Variants in SH3PXD2B observed in about 807,000 individuals in gnomAD.
SH3PXD2B encodes the protein SH3 and PX domains 2B, also known as SH3 and PX domain-containing protein 2B.
SH3PXD2B carries 37 observed loss-of-function variants against 73.1 expected under a neutral mutation model. That is an observed-to-expected ratio of 0.51 (90% CI 0.39 to 0.67). The LOEUF is 0.67. SH3PXD2B is among the 30% of genes least tolerant of loss of function. The pLI is 0.00. For missense variants in SH3PXD2B, 1,053 were observed against 1,197.8 expected (o/e 0.88, Z 1.78); for synonymous variants, 457 against 480.5 (o/e 0.95, Z 0.64).
At chr5:172,437,200 C>T (rs559873978) in intron 1 of SH3PXD2B, among the ~76,000 whole-genome samples, 3 of 152,220 alleles carry the variant, frequency 2.0e-5, no homozygotes, top group East Asian at 1.9e-4. Context: ...GCAGGGCGGT[C>T]GGATGGAGCT....
intron 4 of SH3PXD2B, among the ~76,000 whole-genome samples, chr5:172,383,906 G>A (rs893581861): frequency 1.7e-4 from 25 of 150,814 alleles, no homozygotes; most frequent in Admixed American, 4.0e-4. Flanking sequence ...GAGTGCTGTG[G>A]TGCTATCTTA....
chr5:172,350,106 C>T (rs936996579), intron 10 of SH3PXD2B, among the ~76,000 whole-genome samples: 7 of 152,136 alleles, frequency 4.6e-5, no homozygotes, highest in East Asian at 1.9e-4. Context: ...CGGCCTGCCT[C>T]GGCCTCCCAA....
intron 7 of SH3PXD2B, 140 bp from the exon 8 acceptor site, chr5:172,359,017 C>T (rs1757342864): frequency 2.4e-6 from 2 of 818,256 alleles, no homozygotes; most frequent in Admixed American, 2.0e-5. Flanking sequence ...TAGAACACAA[C>T]TACCAATGTT....
At chr5:172,366,528 CCTCT>C (rs1426176386) in intron 6 of SH3PXD2B, among the ~76,000 whole-genome samples, 1 of 152,232 alleles carries the variant, frequency 6.6e-6, no homozygotes, top group African/African-American at 2.4e-5. Context: ...GATGTCTCAA[CCTCT>C]CCTTCTTATT....
chr5:172,332,771 G>T (rs1479223643), downstream of SH3PXD2B, among the ~76,000 whole-genome samples: 2 of 151,900 alleles, frequency 1.3e-5, no homozygotes, highest in African/African-American at 4.8e-5. Context: ...TAGTCACCTG[G>T]GAACAAGGAG....
Position 172,333,876 on chromosome 5 carries a change from G to C in SH3PXD2B, c.*4493C>G. On this transcript the variant is annotated 3_prime_UTR_variant, in exon 13 of 13. Transcript: ENST00000311601. ...TTATCATCACCCCTCTAAGTGAAAG[G>C]GGCGCTAACAATAATTACACGGGCA... 1 of 1,275,512 alleles carries C rather than the reference G, an allele frequency of 7.8e-7. No individual in the cohort carries two copies. Among genetic ancestry groups the C allele is most frequent in the South Asian group, 1.3e-5 (1 of 78,242 alleles). 79.0% of individuals were successfully genotyped at this position (1,275,512 alleles called of 1,614,324 possible).
intron 1 of SH3PXD2B, among the ~76,000 whole-genome samples, chr5:172,437,052 C>T (rs751122029): frequency 2.3e-4 from 35 of 152,180 alleles, no homozygotes; most frequent in Non-Finnish European, 4.9e-4. Flanking sequence ...GAGTTAGTGA[C>T]TGGCTGGGTT....
Position 172,351,047 on chromosome 5 carries a change from G to A in SH3PXD2B, c.786-458C>T, listed in dbSNP as rs147349991. ...AGTGGCAGCTGGCCATCACTAAACC[G>A]CAGAGTGATCGAGACCCTGACAGAG... On this transcript the variant is annotated intron_variant, in intron 9 of 12. Transcript: ENST00000311601. 1.5e-3 allele frequency among the ~76,000 whole-genome samples: 223 copies of A among 152,356 alleles called. 1 individual carries two copies. Among genetic ancestry groups the A allele is most frequent in the Non-Finnish European group, 2.5e-3 (172 of 68,038 alleles).
intron 1 of SH3PXD2B, among the ~76,000 whole-genome samples, chr5:172,453,944 C>G (rs1488716902): frequency 6.6e-6 from 1 of 152,166 alleles, no homozygotes; most frequent in Non-Finnish European, 1.5e-5. Context: ...AGACCCCTCA[C>G]CGGCTGGAGC....
At chr5:172,329,695 G>C (rs1343199331), downstream of SH3PXD2B, among the ~76,000 whole-genome samples, 1 of 151,810 alleles carries the variant, frequency 6.6e-6, no homozygotes, top group South Asian at 2.1e-4. Flanking sequence ...CCGCCACCAC[G>C]CCCGGCTAAT....
chr5:172,422,771 G>A lies in SH3PXD2B; in HGVS notation c.76-275C>T, dbSNP rs28399353. Among the ~76,000 whole-genome samples the A allele has an allele frequency of 0.34, 50,975 of 152,050 alleles. 9,082 individuals are homozygous for A. Among genetic ancestry groups the A allele is most frequent in the East Asian group, 0.66 (3,418 of 5,176 alleles). On this transcript the variant is annotated intron_variant, in intron 1 of 12. Coordinates refer to ENST00000311601, the MANE Select transcript of SH3PXD2B (RefSeq NM_001017995.3). ...CAGCTCAGGAGAAGCTGCTGTTTTCGGCATTGCCAGGATTCCTCACTACCC... is the reference window on the plus strand; with the variant it reads ...CAGCTCAGGAGAAGCTGCTGTTTTCAGCATTGCCAGGATTCCTCACTACCC...
At position 172,335,092 on chromosome 5, in the gene SH3PXD2B, AG is replaced by A. The variant is rs1756655988; in HGVS notation, c.*3276del. ...CCAATGGCAAAGAAAGATTCCGAGCAGAACATGTGAGCAAAGGCCTCTTTTA... is the reference window on the plus strand; with the variant it reads ...CCAATGGCAAAGAAAGATTCCGAGCAAACATGTGAGCAAAGGCCTCTTTTA... On this transcript the variant is annotated 3_prime_UTR_variant, in exon 13 of 13. Coordinates refer to ENST00000311601, the MANE Select transcript of SH3PXD2B (RefSeq NM_001017995.3). 6 of 985,728 alleles carry A rather than the reference AG, an allele frequency of 6.1e-6. No homozygotes were observed. Among genetic ancestry groups the A allele is most frequent in the Non-Finnish European group, 7.2e-6 (6 of 830,146 alleles). 61.1% of individuals were successfully genotyped at this position (985,728 alleles called of 1,614,324 possible). A position where few individuals can be genotyped will look rare whatever the true frequency, so the allele number is the denominator to read the frequency against.
At chr5:172,403,206 C>A (rs1239872241) in intron 3 of SH3PXD2B, among the ~76,000 whole-genome samples, 1 of 152,232 alleles carries the variant, frequency 6.6e-6, no homozygotes, top group Non-Finnish European at 1.5e-5. Flanking sequence ...TGGAGGAAGG[C>A]CAGACTGTAA....
chr5:172,333,771 T>C lies in SH3PXD2B; in HGVS notation c.*4598A>G, dbSNP rs1361917854. On this transcript the variant is annotated 3_prime_UTR_variant, in exon 13 of 13. Coordinates refer to ENST00000311601, the MANE Select transcript of SH3PXD2B (RefSeq NM_001017995.3). ...GGTGGTGGGCAGTGCCCACTGTTCC[T>C]GGAGGGAGGTAAGAAATGGCCTGTT... 1.6e-6 allele frequency: 2 copies of C among 1,289,152 alleles called. No individual in the cohort carries two copies. Among genetic ancestry groups the C allele is most frequent in the East Asian group, 5.6e-5 (1 of 18,014 alleles). 79.9% of individuals were successfully genotyped at this position (1,289,152 alleles called of 1,614,324 possible).
intron 8 of SH3PXD2B, among the ~76,000 whole-genome samples, chr5:172,356,280 G>A (rs1415220716): frequency 6.6e-6 from 1 of 152,168 alleles, no homozygotes; most frequent in Admixed American, 6.5e-5. Flanking sequence ...CCCAGATCCT[G>A]ATGACAGTTT....
rs1268108716 is a variant in SH3PXD2B at position 172,445,044 on chromosome 5, G to T, written c.75+9234C>A. Among the ~76,000 whole-genome samples, 1 of 152,112 alleles carries T rather than the reference G, an allele frequency of 6.6e-6. No homozygotes were observed. The highest frequency in any genetic ancestry group is 1.5e-5 in the Non-Finnish European group (1 of 68,030). On this transcript the variant is annotated intron_variant, in intron 1 of 12. Transcript: ENST00000311601. This position sits in a 1 kb window ranked among gnomAD's most constrained non-coding sequence, Gnocchi z 5.2. ...AGGGTTTCCATTTCTTTGCCCTCCT[G>T]TTCTCTCTACCTGTAACTCCTTCAC...
rs548188983 is a variant in SH3PXD2B at position 172,445,962 on chromosome 5, G to A, written c.75+8316C>T. 1.3e-5 allele frequency among the ~76,000 whole-genome samples: 2 copies of A among 152,352 alleles called. No homozygotes were observed. The highest frequency in any genetic ancestry group is 1.9e-4 in the East Asian group (1 of 5,178). On this transcript the variant is annotated intron_variant, in intron 1 of 12. Coordinates refer to ENST00000311601, the MANE Select transcript of SH3PXD2B (RefSeq NM_001017995.3). The surrounding 1 kb of genome is among the most constrained non-coding windows in gnomAD (Gnocchi z 5.2). ...GCAGGCTTCTGCAGAGGCAGAGTCC[G>A]GAGGAGGCAGCCACACGAGCCCTGC...
At chr5:172,439,028 C>T (rs1034337757) in intron 1 of SH3PXD2B, among the ~76,000 whole-genome samples, 4 of 151,494 alleles carry the variant, frequency 2.6e-5, no homozygotes, top group Non-Finnish European at 2.9e-5. Context: ...CACCTGAGGT[C>T]GGGAGTTCGA....
chr5:172,435,421 G>A (rs1331794261), intron 1 of SH3PXD2B, among the ~76,000 whole-genome samples: 2 of 134,032 alleles, frequency 1.5e-5, no homozygotes, highest in Non-Finnish European at 3.5e-5. Context: ...TGTATCTGGA[G>A]GTATTTGTTT....
Sources: allele counts gnomAD v4.1 joint callset (sites outside exome capture counted in the v4.1 genomes callset), GRCh38; gene constraint gnomAD v4.1.1; non-coding constraint Gnocchi (gnomAD v3.1); transcripts MANE v1.5; gene names NCBI Gene and HGNC (gene_info 2026-07-23, HGNC 2026-07-21).